Variants in BRD10 observed in about 807,000 individuals in gnomAD.
BRD10 encodes bromodomain containing 10.
the BRD10 span, among the ~76,000 whole-genome samples, chr9:5,955,479 AATC>A: frequency 6.6e-6 from 1 of 152,336 alleles, no homozygotes; most frequent in South Asian, 2.1e-4. Flanking sequence ...ATATAAATAT[AATC>A]ATCTTGCAAG....
At chr9:5,919,545 C>CACACACACAA in the BRD10 span, 1 of 525,388 alleles carries the variant, frequency 1.9e-6, no homozygotes, top group Non-Finnish European at 3.4e-6. Context: ...TACATTAAAA[C>CACACACACAA]ACACACACAC....
the BRD10 span, among the ~76,000 whole-genome samples, chr9:5,955,799 G>C: frequency 6.6e-6 from 1 of 152,138 alleles, no homozygotes; most frequent in Non-Finnish European, 1.5e-5. Flanking sequence ...TATAACAGAA[G>C]TATACTCCTA....
chr9:5,902,359 TTTTA>T, the BRD10 span, among the ~76,000 whole-genome samples: 1 of 152,228 alleles, frequency 6.6e-6, no homozygotes, highest in African/African-American at 2.4e-5. Flanking sequence ...GTTTGTGCCT[TTTTA>T]TTTCTTAGCC....
At chr9:5,920,428 T>C in the BRD10 span, 5 of 1,613,890 alleles carry the variant, frequency 3.1e-6, no homozygotes, top group African/African-American at 5.3e-5. Flanking sequence ...TTACATTGGA[T>C]GGTGCCGAAG....
the BRD10 span, among the ~76,000 whole-genome samples, chr9:5,935,558 T>C: frequency 1.4e-3 from 209 of 152,308 alleles, 1 homozygote; most frequent in Admixed American, 2.4e-3. Flanking sequence ...AATTTGACTG[T>C]TTTCAATAAA....
the BRD10 span, among the ~76,000 whole-genome samples, chr9:5,995,555 C>G: frequency 1.3e-5 from 2 of 152,180 alleles, no homozygotes; most frequent in Non-Finnish European, 2.9e-5. Context: ...ATCTTTCATT[C>G]ACATCTCAAT....
At chr9:5,969,431 C>CGAAGCAGGAAA in the BRD10 span, 1 of 1,539,660 alleles carries the variant, frequency 6.5e-7, no homozygotes. Flanking sequence ...TTCCTGCTCC[C>CGAAGCAGGAAA]GAAGCCTAAA....
chr9:5,940,233 G>A, the BRD10 span, among the ~76,000 whole-genome samples: 2 of 152,078 alleles, frequency 1.3e-5, no homozygotes, highest in Non-Finnish European at 1.5e-5. Flanking sequence ...GAGTGCACTG[G>A]TACAATCTTG....
At chr9:5,993,652 T>A in the BRD10 span, among the ~76,000 whole-genome samples, 134,872 of 152,086 alleles carry the variant, frequency 0.89, 60,843 homozygotes, top group Non-Finnish European at 0.99. Flanking sequence ...GAGCACAGTT[T>A]CTGACAACTT....
the BRD10 span, among the ~76,000 whole-genome samples, chr9:5,975,902 T>C: frequency 8.5e-5 from 13 of 152,210 alleles, no homozygotes; most frequent in African/African-American, 2.9e-4. Context: ...CAATAATATA[T>C]GAGATGGACG....
chr9:5,959,722 T>A, the BRD10 span, among the ~76,000 whole-genome samples: 1 of 152,302 alleles, frequency 6.6e-6, no homozygotes, highest in Middle Eastern at 3.4e-3. Context: ...CTGGAAATAA[T>A]CAAACACTGT....
chr9:5,935,479 A>C, the BRD10 span, among the ~76,000 whole-genome samples: 1 of 152,204 alleles, frequency 6.6e-6, no homozygotes, highest in Non-Finnish European at 1.5e-5. Flanking sequence ...TTTAAGAGAC[A>C]ATGTGCTACC....
the BRD10 span, chr9:5,909,152 T>G: frequency 0.61 from 96,924 of 159,332 alleles, 30,680 homozygotes; most frequent in Non-Finnish European, 0.72. Flanking sequence ...CTTTTACAGG[T>G]TAAGACAAAG....
the BRD10 span, chr9:5,921,795 T>C: frequency 3.1e-6 from 5 of 1,613,944 alleles, no homozygotes; most frequent in African/African-American, 1.3e-5. Flanking sequence ...CTAGAACAAA[T>C]AGAGGACTTC....
At chr9:5,966,815 A>G in the BRD10 span, among the ~76,000 whole-genome samples, 1 of 152,286 alleles carries the variant, frequency 6.6e-6, no homozygotes, top group African/African-American at 2.4e-5. Flanking sequence ...TTTATAAAAA[A>G]CAAATGGATC....
the BRD10 span, chr9:6,007,409 G>C: frequency 6.2e-7 from 1 of 1,608,256 alleles, no homozygotes; most frequent in Non-Finnish European, 8.5e-7. Context: ...GGGAAGGCGC[G>C]ACCGCCCCGG....
the BRD10 span, among the ~76,000 whole-genome samples, chr9:5,914,242 T>A: frequency 6.6e-6 from 1 of 152,206 alleles, no homozygotes; most frequent in East Asian, 1.9e-4. Context: ...TTGGTTCAGG[T>A]TTACAGCAAC....
At chr9:5,977,583 C>G in the BRD10 span, among the ~76,000 whole-genome samples, 1 of 152,220 alleles carries the variant, frequency 6.6e-6, no homozygotes, top group African/African-American at 2.4e-5. Flanking sequence ...CGCAGTGGCT[C>G]ACGCCTGTAA....
the BRD10 span, among the ~76,000 whole-genome samples, chr9:5,972,865 G>C: frequency 6.6e-6 from 1 of 152,092 alleles, no homozygotes; most frequent in East Asian, 1.9e-4. Flanking sequence ...ACACAATGGA[G>C]TATCTTTAAT....
Sources: allele counts gnomAD v4.1 joint callset (sites outside exome capture counted in the v4.1 genomes callset), GRCh38; gene constraint gnomAD v4.1.1; transcripts MANE v1.5; gene names NCBI Gene and HGNC (gene_info 2026-07-23, HGNC 2026-07-21).